Variants in TENM1 observed in about 807,000 individuals in gnomAD.
The protein encoded by TENM1 is teneurin-1.
A neutral mutation model predicts 174.8 loss-of-function variants in TENM1; 35 were observed. The observed-to-expected ratio is 0.20, with a 90% CI of 0.15 to 0.27. The LOEUF (loss-of-function observed/expected upper bound fraction) is 0.27. TENM1 is among the 10% of genes least tolerant of loss of function. The pLI, the probability that TENM1 is intolerant of heterozygous loss-of-function variation, is 1.00. For synonymous variants in TENM1, 781 were observed against 798.7 expected (o/e 0.98, Z 0.37); for missense variants, 1,633 against 2,130.1 (o/e 0.77, Z 4.59).
At chrX:124,781,062 G>T (rs2054897123) in intron 3 of TENM1, among the ~76,000 whole-genome samples, 1 of 111,257 alleles carries the variant, frequency 9.0e-6, no homozygotes, top group African/African-American at 3.3e-5. Context: ...AAACATTATT[G>T]TACTGGTTGT....
chrX:124,838,777 C>A (rs147508894), intron 3 of TENM1, among the ~76,000 whole-genome samples: 3,546 of 110,953 alleles, frequency 0.032, 123 homozygotes, highest in African/African-American at 0.1. Flanking sequence ...CCCTCTCTCT[C>A]TATATATACA....
At chrX:124,573,278 C>T (rs911186986) in intron 11 of TENM1, among the ~76,000 whole-genome samples, 3 of 111,340 alleles carry the variant, frequency 2.7e-5, no homozygotes, top group Non-Finnish European at 5.7e-5. Context: ...TAGAAAAATA[C>T]ATTTTATGGA....
chrX:124,818,561 T>C (rs774304582), intron 3 of TENM1, among the ~76,000 whole-genome samples: 1 of 111,621 alleles, frequency 9.0e-6, no homozygotes, highest in Non-Finnish European at 1.9e-5. Flanking sequence ...ATTAGGAAAA[T>C]CTATTATATG....
the TENM1 span, among the ~76,000 whole-genome samples, chrX:125,010,078 C>A: frequency 3.6e-5 from 4 of 111,289 alleles, no homozygotes; most frequent in African/African-American, 9.8e-5. Context: ...AAATAGGAAG[C>A]GAGGAAGTCA....
chrX:125,049,976 T>C, the TENM1 span, among the ~76,000 whole-genome samples: 1 of 109,580 alleles, frequency 9.1e-6, no homozygotes, highest in African/African-American at 3.3e-5. Flanking sequence ...GATGTCTACC[T>C]CTTTACCTTC....
the TENM1 span, among the ~76,000 whole-genome samples, chrX:124,970,164 C>A: frequency 9.0e-6 from 1 of 111,534 alleles, no homozygotes; most frequent in Non-Finnish European, 1.9e-5. Context: ...CTTTCCGTTT[C>A]TCATTCTTAA....
chrX:124,772,361 C>T, intron 3 of TENM1, among the ~76,000 whole-genome samples: 1 of 111,903 alleles, frequency 8.9e-6, no homozygotes, highest in Non-Finnish European at 1.9e-5. Context: ...GCCTTGAACT[C>T]CTGACGTCAA....
the TENM1 span, among the ~76,000 whole-genome samples, chrX:125,042,641 A>G: frequency 2.2e-4 from 25 of 111,740 alleles, no homozygotes; most frequent in African/African-American, 7.1e-4. Context: ...AAGGAATTTC[A>G]GCCACCAGAG....
rs187525379 is a variant in TENM1, at chrX:124,726,239, G to C, written c.776+10718C>G. On this transcript the variant is annotated intron_variant, in intron 4 of 31. Coordinates refer to ENST00000422452, the Ensembl canonical transcript of TENM1. The stretch of plus-strand genomic sequence containing the variant: ...TTCCCTATAAAATGAAACAAATTAT[G>C]TTTGCCTATGGTTTTATTTTGAAAT... Among the ~76,000 whole-genome samples the C allele has an allele frequency of 3.6e-3, 400 of 112,142 alleles. 1 individual carries two copies. The highest frequency in any genetic ancestry group is 0.012 in the African/African-American group (375 of 30,968).
chrX:124,772,351 G>A (rs944998307), intron 3 of TENM1, among the ~76,000 whole-genome samples: 17 of 111,678 alleles, frequency 1.5e-4, no homozygotes, highest in African/African-American at 5.2e-4. Flanking sequence ...GGCCAGGCTG[G>A]CCTTGAACTC....
intron 11 of TENM1, among the ~76,000 whole-genome samples, chrX:124,573,548 C>A (rs559863205): frequency 8.9e-6 from 1 of 111,944 alleles, no homozygotes; most frequent in Non-Finnish European, 1.9e-5. Context: ...TTAGAACTGA[C>A]TGTTCTATTG....
chrX:124,935,850 C>T (rs905112686), intron 1 of TENM1, among the ~76,000 whole-genome samples: 5 of 112,111 alleles, frequency 4.5e-5, no homozygotes, highest in African/African-American at 1.6e-4. Flanking sequence ...TTTCCTCCAC[C>T]AGAACCCTGA....
chrX:124,679,895 T>A (rs2052190012), intron 5 of TENM1, among the ~76,000 whole-genome samples: 1 of 111,760 alleles, frequency 8.9e-6, no homozygotes, highest in Non-Finnish European at 1.9e-5. Flanking sequence ...CACTACATCA[T>A]GAACATAAAT....
intron 3 of TENM1, among the ~76,000 whole-genome samples, chrX:124,859,192 T>A (rs2056865803): frequency 9.1e-6 from 1 of 110,378 alleles, no homozygotes; most frequent in Non-Finnish European, 1.9e-5. Context: ...TGGGGAAGAG[T>A]ATGTAGGGAA....
chrX:124,962,713 G>T (rs1465849016), intron 1 of TENM1, among the ~76,000 whole-genome samples: 1 of 110,588 alleles, frequency 9.0e-6, no homozygotes, highest in Non-Finnish European at 1.9e-5. Context: ...AGCTACTCAG[G>T]TGGCTGAGGC....
At chrX:125,120,953 G>C in the TENM1 span, among the ~76,000 whole-genome samples, 1 of 111,108 alleles carries the variant, frequency 9.0e-6, no homozygotes. Context: ...GGTATCCTCT[G>C]CACATGTTCT....
At position 124,471,324 on chromosome X, in the gene TENM1, A is replaced by ATAGTACTATATATT. The variant is rs1435798269; in HGVS notation, c.3949+10407_3949+10408insAATATATAGTACTA. On this transcript the variant is annotated intron_variant, in intron 22 of 31. Coordinates refer to ENST00000422452, the Ensembl canonical transcript of TENM1. ...TATAATATATAGTACTATATATTATAATATATAGTACTATATATAATATAT... is the reference window on the plus strand; with the variant it reads ...TATAATATATAGTACTATATATTATATAGTACTATATATTATATATAGTACTATATATAATATAT... Among the ~76,000 whole-genome samples the ATAGTACTATATATT allele has an allele frequency of 2.8e-4, 7 of 24,865 alleles. 2 individuals carry two copies. Among genetic ancestry groups the ATAGTACTATATATT allele is most frequent in the African/African-American group, 1.2e-3 (7 of 5,989 alleles). The allele number at this position is 24,865 out of a possible 115,157, so 21.6% of individuals were successfully genotyped here.
chrX:124,551,927 C>T (rs1449348134), intron 14 of TENM1, among the ~76,000 whole-genome samples: 2 of 112,087 alleles, frequency 1.8e-5, no homozygotes, highest in Non-Finnish European at 3.8e-5. Context: ...TGCCTTATCA[C>T]TGGCCAGAGG....
chrX:125,095,754 A>G, the TENM1 span, among the ~76,000 whole-genome samples: 1 of 111,931 alleles, frequency 8.9e-6, no homozygotes, highest in African/African-American at 3.2e-5. Flanking sequence ...CATATTCTGC[A>G]AAATATGAGG....
Sources: allele counts gnomAD v4.1 joint callset (sites outside exome capture counted in the v4.1 genomes callset), GRCh38; gene constraint gnomAD v4.1.1; transcripts MANE v1.5; gene names NCBI Gene and HGNC (gene_info 2026-07-23, HGNC 2026-07-21).